The following RBFOX1 variants were observed in gnomAD, a reference collection of about 807,000 sequenced individuals.
RBFOX1 encodes RNA binding fox-1 homolog 1, also known as RNA binding protein fox-1 homolog 1.
A neutral mutation model predicts 57.7 loss-of-function variants in RBFOX1; 8 were observed. The observed-to-expected ratio is 0.14, with a 90% CI of 0.08 to 0.25. RBFOX1 has a LOEUF of 0.25. RBFOX1 is among the 10% of genes least tolerant of loss of function. The probability of loss-of-function intolerance (pLI) is 1.00; values close to 1 mark genes in which losing one functional copy is unlikely to be tolerated. For synonymous variants in RBFOX1, 326 were observed against 222.4 expected, an observed-to-expected ratio of 1.47 and a Z score of -4.15; for missense variants, 611 against 548.5, an observed-to-expected ratio of 1.11 and a Z score of -1.14.
At chr16:7,202,048 G>A (rs553869577) in intron 4 of RBFOX1, among the ~76,000 whole-genome samples, 4 of 152,194 alleles carry the variant, frequency 2.6e-5, no homozygotes, top group African/African-American at 9.6e-5. Context: ...TCCTCCCATG[G>A]TCTTTCTCCT....
At chr16:5,665,607 A>G (rs1273341640) in intron 3 of RBFOX1, among the ~76,000 whole-genome samples, 2 of 152,216 alleles carry the variant, frequency 1.3e-5, no homozygotes, top group Non-Finnish European at 2.9e-5. Context: ...TCAGAGAACC[A>G]GCGCCTGGTT....
At chr16:6,917,979 C>T (rs113541531) in intron 3 of RBFOX1, among the ~76,000 whole-genome samples, 32 of 152,038 alleles carry the variant, frequency 2.1e-4, no homozygotes, top group Admixed American at 9.8e-4. Context: ...GAGCCACTTA[C>T]GAATTTGTTA....
chr16:5,887,409 G>A (rs2057925704), intron 4 of RBFOX1, among the ~76,000 whole-genome samples: 1 of 152,072 alleles, frequency 6.6e-6, no homozygotes, highest in Admixed American at 6.5e-5. Flanking sequence ...TTATTTGTTT[G>A]TTTGTTTTGT....
In RBFOX1 at chr16:7,216,215, CT is replaced by C. The variant is rs1567744470; in HGVS notation, c.27+164118del. Among the ~76,000 whole-genome samples the C allele has an allele frequency of 9.2e-5, 14 of 152,268 alleles. 1 individual carries two copies. In the East Asian group the frequency reaches 2.7e-3, roughly 29 times the overall value. On this transcript the variant is annotated intron_variant, in intron 4 of 15. Transcript: ENST00000550418. ...TAATTGGGTTGTTTCCACTTATTGGCTATTGTGAATCATGCCACTATCTGCA... is the reference window on the plus strand; with the variant it reads ...TAATTGGGTTGTTTCCACTTATTGGCATTGTGAATCATGCCACTATCTGCA...
At chr16:7,022,904 G>C (rs942103113) in intron 3 of RBFOX1, among the ~76,000 whole-genome samples, 1 of 152,274 alleles carries the variant, frequency 6.6e-6, no homozygotes, top group South Asian at 2.1e-4. Flanking sequence ...ACTAGGGCTT[G>C]CACCCCATTG....
intron 4 of RBFOX1, among the ~76,000 whole-genome samples, chr16:7,229,310 A>C (rs1310916384): frequency 6.6e-6 from 1 of 152,166 alleles, no homozygotes; most frequent in South Asian, 2.1e-4. Flanking sequence ...AGATGGCCCA[A>C]ATTTCCTTTA....
intron 3 of RBFOX1, among the ~76,000 whole-genome samples, chr16:6,842,685 G>A (rs924894701): frequency 1.3e-5 from 2 of 148,182 alleles, no homozygotes; most frequent in Admixed American, 6.8e-5. Flanking sequence ...TCAAGTTCTG[G>A]GATACATGTG....
chr16:5,800,941 G>C (rs1472015446), intron 3 of RBFOX1, among the ~76,000 whole-genome samples: 1 of 152,120 alleles, frequency 6.6e-6, no homozygotes, highest in African/African-American at 2.4e-5. Flanking sequence ...CTGCCTTCTT[G>C]TCCCTGATAC....
chr16:6,711,700 A>T (rs34300362), intron 3 of RBFOX1, among the ~76,000 whole-genome samples: 2 of 152,092 alleles, frequency 1.3e-5, no homozygotes, highest in South Asian at 4.1e-4. Flanking sequence ...AGTCTCAGGT[A>T]TGTCTCTGTA....
chr16:5,961,900 A>G (rs899433430), intron 4 of RBFOX1, among the ~76,000 whole-genome samples: 1 of 152,212 alleles, frequency 6.6e-6, no homozygotes, highest in African/African-American at 2.4e-5. Context: ...TCCAAATAAC[A>G]GTAAATTAAG....
At chr16:7,468,966 T>C (rs1974622) in intron 4 of RBFOX1, among the ~76,000 whole-genome samples, 151,912 of 151,914 alleles carry the variant, frequency 1, 75,955 homozygotes, top group Middle Eastern at 1. Context: ...CAGAGTCTCA[T>C]TCTGTCACCC....
At chr16:5,462,020 C>T (rs1371229720) in intron 1 of RBFOX1, among the ~76,000 whole-genome samples, 3 of 152,170 alleles carry the variant, frequency 2.0e-5, no homozygotes, top group Admixed American at 1.3e-4. Context: ...TTTCCACTCC[C>T]ACCAGTGGTG....
chr16:5,390,852 A>G (rs1475582625), intron 1 of RBFOX1, among the ~76,000 whole-genome samples: 2 of 152,182 alleles, frequency 1.3e-5, no homozygotes, highest in African/African-American at 4.8e-5. Flanking sequence ...TGTGGCAGCC[A>G]TCTTGTCACC....
At chr16:6,936,396 G>A (rs2077367640) in intron 3 of RBFOX1, among the ~76,000 whole-genome samples, 1 of 152,098 alleles carries the variant, frequency 6.6e-6, no homozygotes, top group South Asian at 2.1e-4. Context: ...AAACTTCTTG[G>A]TGAGTTTGTG....
chr16:6,781,589 T>G (rs180706779), intron 3 of RBFOX1, among the ~76,000 whole-genome samples: 1 of 152,310 alleles, frequency 6.6e-6, no homozygotes, highest in Non-Finnish European at 1.5e-5. Context: ...TTTTTATTAC[T>G]TCTTTTATAG....
intron 4 of RBFOX1, among the ~76,000 whole-genome samples, chr16:7,246,813 C>T (rs73552727): frequency 0.023 from 3,422 of 151,880 alleles, 123 homozygotes; most frequent in African/African-American, 0.079. Flanking sequence ...GACTGGCTGA[C>T]TGACTGATCA....
At chr16:6,550,988 G>A (rs1011853666) in intron 2 of RBFOX1, among the ~76,000 whole-genome samples, 2 of 152,154 alleles carry the variant, frequency 1.3e-5, no homozygotes, top group Non-Finnish European at 2.9e-5. Flanking sequence ...TTAATAGTTT[G>A]GAGGAGCACA....
intron 2 of RBFOX1, among the ~76,000 whole-genome samples, chr16:6,613,332 G>A (rs1291752666): frequency 6.6e-6 from 1 of 152,072 alleles, no homozygotes; most frequent in Non-Finnish European, 1.5e-5. Flanking sequence ...TCCTTTGAAT[G>A]CTCAGGATGG....
At chr16:6,855,839 C>CTACCTCTT (rs2057767350) in intron 3 of RBFOX1, among the ~76,000 whole-genome samples, 1 of 150,592 alleles carries the variant, frequency 6.6e-6, no homozygotes, top group Non-Finnish European at 1.5e-5. Flanking sequence ...CCCTCCTTCC[C>CTACCTCTT]TCCCTCTTTC....
Sources: allele counts gnomAD v4.1 joint callset (sites outside exome capture counted in the v4.1 genomes callset), GRCh38; gene constraint gnomAD v4.1.1; transcripts MANE v1.5; gene names NCBI Gene and HGNC (gene_info 2026-07-23, HGNC 2026-07-21).